Variants in CLIP4 observed in about 807,000 individuals in gnomAD.
CLIP4 encodes CAP-Gly domain-containing linker protein 4.
Under a neutral mutation model 73.1 loss-of-function variants are expected in CLIP4, and 47 were observed. That is an observed-to-expected ratio of 0.64 (90% CI 0.51 to 0.82). The LOEUF (loss-of-function observed/expected upper bound fraction) is 0.82. Among genes scored for constraint, CLIP4 ranks in the 40% least tolerant of loss-of-function variants. CLIP4 has a pLI of 0.00. For synonymous variants in CLIP4, 306 were observed against 295.4 expected (o/e 1.04, Z -0.37); for missense variants, 874 against 852.9 (o/e 1.02, Z -0.31).
At position 29,158,565 on chromosome 2, in the gene CLIP4, C is replaced by T. The variant is rs1039539035; in HGVS notation, c.1399+1218C>T. Among the ~76,000 whole-genome samples the T allele has an allele frequency of 3.9e-5, 6 of 151,934 alleles. No individual in the cohort carries two copies. In the South Asian group the frequency reaches 1.2e-3, roughly 32 times the overall value. On this transcript the variant is annotated intron_variant, in intron 11 of 15. Transcript: ENST00000320081. ...TATGGGAAAGTCTGTGTTGGGAACC[C>T]CAGAGACATGTACTTAAAACATGTT...
At chr2:29,180,840 ATGTGTG>A (rs72495863) in intron 15 of CLIP4, among the ~76,000 whole-genome samples, 24 of 150,362 alleles carry the variant, frequency 1.6e-4, no homozygotes, top group African/African-American at 5.1e-4. Flanking sequence ...ATATATATGT[ATGTGTG>A]TGTGTGTGTG....
intron 8 of CLIP4, among the ~76,000 whole-genome samples, chr2:29,146,312 A>G (rs1666162592): frequency 6.6e-6 from 1 of 152,168 alleles, no homozygotes; most frequent in Non-Finnish European, 1.5e-5. Context: ...CTTGGTTATC[A>G]AGGAAGTACA....
Position 29,164,912 on chromosome 2 carries a change from G to T in CLIP4, c.1658+958G>T, listed in dbSNP as rs965688789. 3.3e-5 allele frequency among the ~76,000 whole-genome samples: 5 copies of T among 152,140 alleles called. No homozygotes were observed. The East Asian group carries it at 9.6e-4, about 29-fold the overall frequency. On this transcript the variant is annotated intron_variant, in intron 13 of 15. Transcript: ENST00000320081. ...AGAATTTAACATACAATACTTTGTA[G>T]TTTATAAAGTATTTTCACTTAAGTG...
Position 29,167,615 on chromosome 2 carries a change from T to A in CLIP4, c.1723+75T>A, listed in dbSNP as rs575953383. 1.0e-3 allele frequency: 1,133 copies of A among 1,118,868 alleles called. 1 individual carries two copies. The highest frequency in any genetic ancestry group is 1.2e-3 in the Non-Finnish European group (927 of 771,282). 69.3% of individuals were successfully genotyped at this position (1,118,868 alleles called of 1,614,324 possible). A position where few individuals can be genotyped will look rare whatever the true frequency, so the allele number is the denominator to read the frequency against. On this transcript the variant is annotated intron_variant, in intron 14 of 15. Coordinates refer to ENST00000320081, the MANE Select transcript of CLIP4 (RefSeq NM_024692.6). ...TTATTGAAAAATTTTTATTATGAGG[T>A]ATTGTATACAAAAGGGTCTATAAAC...
chr2:29,134,197 T>C (rs931432721), intron 5 of CLIP4, among the ~76,000 whole-genome samples: 4 of 152,142 alleles, frequency 2.6e-5, no homozygotes, highest in Non-Finnish European at 5.9e-5. Flanking sequence ...TTATTTTAGA[T>C]GGCATTTGGT....
At chr2:29,141,691 C>G (rs758785978) in intron 6 of CLIP4, among the ~76,000 whole-genome samples, 2 of 151,984 alleles carry the variant, frequency 1.3e-5, no homozygotes, top group Non-Finnish European at 2.9e-5. Context: ...TTACTTTGAG[C>G]CTATGGGTGT....
Position 29,182,629 on chromosome 2 carries a change from C to T in CLIP4, c.*736C>T, listed in dbSNP as rs188442780. ...CTTTCTGCTATACAAAATGTCTAATCTCAGATTTTTCTTCTGCTGCTTGAC... is the reference window on the plus strand; with the variant it reads ...CTTTCTGCTATACAAAATGTCTAATTTCAGATTTTTCTTCTGCTGCTTGAC... On this transcript the variant is annotated 3_prime_UTR_variant, in exon 16 of 16. Transcript: ENST00000320081. The T allele has an allele frequency of 1.3e-5, 2 of 152,572 alleles. No individual in the cohort carries two copies. Among genetic ancestry groups the T allele is most frequent in the Non-Finnish European group, 2.9e-5 (2 of 68,036 alleles). The allele number at this position is 152,572 out of a possible 1,614,324, so 9.5% of individuals were successfully genotyped here.
chr2:29,143,256 G>A (rs1572940847), intron 6 of CLIP4, among the ~76,000 whole-genome samples: 1 of 151,282 alleles, frequency 6.6e-6, no homozygotes, highest in African/African-American at 2.4e-5. Flanking sequence ...GCTTTTCCCT[G>A]CCAGAGAACC....
intron 9 of CLIP4, among the ~76,000 whole-genome samples, chr2:29,155,258 C>G (rs1432100332): frequency 1.3e-5 from 2 of 152,192 alleles, no homozygotes; most frequent in African/African-American, 4.8e-5. Context: ...GATTGTGCCA[C>G]TGCACTACAG....
chr2:29,136,967 G>A (rs1665412042), intron 6 of CLIP4, among the ~76,000 whole-genome samples: 1 of 151,562 alleles, frequency 6.6e-6, no homozygotes. Flanking sequence ...AAAAAAAAAA[G>A]GTAAACGTAT....
chr2:29,167,676 A>G, intron 14 of CLIP4, 136 bp downstream of exon 14: 1 of 552,734 alleles, frequency 1.8e-6, no homozygotes, highest in Non-Finnish European at 3.0e-6. Context: ...TAGAACAAAC[A>G]TCTGTTACCT....
At chr2:29,168,338 T>G (rs6742691) in intron 14 of CLIP4, among the ~76,000 whole-genome samples, 4,990 of 152,160 alleles carry the variant, frequency 0.033, 292 homozygotes, top group African/African-American at 0.11. Flanking sequence ...CTTATTAATT[T>G]GTAGGCTTCT....
intron 15 of CLIP4, among the ~76,000 whole-genome samples, chr2:29,177,581 A>C (rs1193179334): frequency 6.6e-6 from 1 of 151,842 alleles, no homozygotes; most frequent in Non-Finnish European, 1.5e-5. Context: ...TCTGTTTCAA[A>C]AAAAAAAAGT....
Position 29,130,863 on chromosome 2 carries a change from A to G in CLIP4, c.134-395A>G, listed in dbSNP as rs759272229. 5.3e-5 allele frequency: 69 copies of G among 1,290,146 alleles called. No individual in the cohort carries two copies. In the South Asian group the frequency reaches 7.7e-4, roughly 14 times the overall value. The allele number at this position is 1,290,146 out of a possible 1,614,324, so 79.9% of individuals were successfully genotyped here. Reference sequence around the variant, plus strand: ...CCTCAATGAGTCCCACTACTTATGCATGCTGTTACAATCTGAGCTCAGTGG... The same window carrying G: ...CCTCAATGAGTCCCACTACTTATGCGTGCTGTTACAATCTGAGCTCAGTGG... On this transcript the variant is annotated intron_variant, in intron 2 of 15. Coordinates refer to ENST00000320081, the MANE Select transcript of CLIP4 (RefSeq NM_024692.6).
At chr2:29,135,379 A>G (rs1308049349) in intron 5 of CLIP4, among the ~76,000 whole-genome samples, 169 bp from the exon 6 acceptor site, 1 of 152,202 alleles carries the variant, frequency 6.6e-6, no homozygotes, top group Non-Finnish European at 1.5e-5. Context: ...GCTTATTTTA[A>G]CTAGATTGTA....
intron 3 of CLIP4, chr2:29,131,841 C>G (rs1375902952): frequency 5.2e-5 from 17 of 325,034 alleles, no homozygotes; most frequent in Non-Finnish European, 1.1e-5. Flanking sequence ...AGTGCTTATA[C>G]TTTTTTCAAA....
chr2:29,163,778 A>G (rs772378337), intron 12 of CLIP4, 53 bp from the exon 13 acceptor site: 4 of 1,551,730 alleles, frequency 2.6e-6, no homozygotes, highest in Non-Finnish European at 2.6e-6. Context: ...ATAGTAGCAT[A>G]AGAGTTTTGG....
rs1426546177 is a variant in CLIP4, at chr2:29,183,102, A to AT, written c.*1210dup. The AT allele has an allele frequency of 6.6e-6, 1 of 152,516 alleles. No individual in the cohort carries two copies. 9.4% of individuals were successfully genotyped at this position (152,516 alleles called of 1,614,324 possible). ...ACAAACTAAGCTTCACATTAGAGTG[A>AT]TGTCATAATGTAAAATGTTTGCATT... On this transcript the variant is annotated 3_prime_UTR_variant, in exon 16 of 16. Coordinates refer to ENST00000320081, the MANE Select transcript of CLIP4 (RefSeq NM_024692.6).
chr2:29,101,292 C>A lies in CLIP4; in HGVS notation c.-16+3345C>A, dbSNP rs868691384. Among the ~76,000 whole-genome samples, 195 of 148,486 alleles carry A rather than the reference C, an allele frequency of 1.3e-3. 2 individuals are homozygous for A. In the Middle Eastern group the frequency reaches 0.017, roughly 13 times the overall value. On this transcript the variant is annotated intron_variant, in intron 1 of 14. Coordinates refer to the CLIP4 transcript ENST00000401605. Reference sequence around the variant, plus strand: ...GCAACAGGCTTTTTTTTTTTCCCCCCCCCAAAACAAAAAAAAAAAGAAAAA... The same window carrying A: ...GCAACAGGCTTTTTTTTTTTCCCCCACCCAAAACAAAAAAAAAAAGAAAAA...
Sources: gnomAD v4.1 joint callset for allele counts (sites outside exome capture counted in the v4.1 genomes callset) on GRCh38, gnomAD v4.1.1 for gene constraint, MANE v1.5 for transcripts, NCBI Gene and HGNC (gene_info 2026-07-23, HGNC 2026-07-21) for gene names.